GALNT17: variants seen among roughly 807,000 people sequenced by gnomAD.
The protein encoded by GALNT17 is polypeptide N-acetylgalactosaminyltransferase 17.
Under a neutral mutation model 63.7 loss-of-function variants are expected in GALNT17, and 29 were observed. The ratio of observed to expected loss-of-function variants is 0.46; its 90% CI spans 0.34 to 0.62. GALNT17 has a LOEUF of 0.62. GALNT17 is among the 20% of genes least tolerant of loss of function. The pLI, the probability that GALNT17 is intolerant of heterozygous loss-of-function variation, is 0.01. For synonymous variants in GALNT17, 305 were observed against 318.3 expected (o/e 0.96, Z 0.45); for missense variants, 603 against 799.6 (o/e 0.75, Z 2.97).
At chr7:71,528,885 A>G (rs1788669437) in intron 5 of GALNT17, among the ~76,000 whole-genome samples, 1 of 152,222 alleles carries the variant, frequency 6.6e-6, no homozygotes, top group South Asian at 2.1e-4. Flanking sequence ...CTGTAATCCC[A>G]GCACTTCGGG....
At chr7:71,362,470 TA>T (rs1792421340) in intron 2 of GALNT17, among the ~76,000 whole-genome samples, 1 of 152,230 alleles carries the variant, frequency 6.6e-6, no homozygotes, top group African/African-American at 2.4e-5. Flanking sequence ...GCAGTATAAG[TA>T]ATTCTGAAGA....
At chr7:71,444,364 G>A (rs1419212458) in intron 5 of GALNT17, among the ~76,000 whole-genome samples, 1 of 152,160 alleles carries the variant, frequency 6.6e-6, no homozygotes, top group Non-Finnish European at 1.5e-5. Flanking sequence ...ACCAAGCAGA[G>A]GGGCTAATGT....
rs113381427 is a variant in GALNT17 at position 71,691,842 on chromosome 7, C to CT, written c.1500+14543dup. ...ATAAGTGAAAGTCACTTCTGCTCCT[C>CT]TTTTTTTAATCTTTTCTTTCTTTCT... On this transcript the variant is annotated intron_variant, in intron 9 of 10. Transcript: ENST00000333538. 2.6e-5 allele frequency among the ~76,000 whole-genome samples: 4 copies of CT among 151,660 alleles called. No individual in the cohort carries two copies. The East Asian group carries it at 7.8e-4, about 29-fold the overall frequency.
chr7:71,439,528 G>A (rs1184558173), intron 5 of GALNT17, among the ~76,000 whole-genome samples: 2 of 152,192 alleles, frequency 1.3e-5, no homozygotes, highest in African/African-American at 2.4e-5. Flanking sequence ...AAGCAGAGAG[G>A]CCTGCCTCCA....
At chr7:71,560,808 A>G (rs777663210) in intron 5 of GALNT17, among the ~76,000 whole-genome samples, 11 of 152,182 alleles carry the variant, frequency 7.2e-5, no homozygotes, top group Non-Finnish European at 2.9e-5. Flanking sequence ...TGATTGCTCA[A>G]ATTGAGCACA....
intron 3 of GALNT17, among the ~76,000 whole-genome samples, chr7:71,404,493 G>A (rs1793293031): frequency 6.6e-6 from 1 of 152,060 alleles, no homozygotes; most frequent in South Asian, 2.1e-4. Flanking sequence ...CCAGCCCATA[G>A]TCAGCAAGTG....
intron 1 of GALNT17, among the ~76,000 whole-genome samples, chr7:71,148,996 A>G (rs1204094165): frequency 1.3e-5 from 2 of 151,728 alleles, no homozygotes; most frequent in African/African-American, 2.4e-5. Flanking sequence ...CAGTGGCACC[A>G]TCATAGCTCA....
At chr7:71,659,723 C>T (rs1050198154) in intron 6 of GALNT17, among the ~76,000 whole-genome samples, 6 of 152,192 alleles carry the variant, frequency 3.9e-5, no homozygotes, top group African/African-American at 1.4e-4. Context: ...GCAAATAAGT[C>T]ACATTGCCAA....
At chr7:71,276,865 G>T (rs915694427) in intron 1 of GALNT17, among the ~76,000 whole-genome samples, 1 of 152,146 alleles carries the variant, frequency 6.6e-6, no homozygotes, top group Non-Finnish European at 1.5e-5. Context: ...AGGCATCGTG[G>T]TGGGCACCTG....
chr7:71,537,684 G>A (rs143541976), intron 5 of GALNT17, among the ~76,000 whole-genome samples: 201 of 152,138 alleles, frequency 1.3e-3, no homozygotes, highest in African/African-American at 4.6e-3. Flanking sequence ...TTGGTGGCAC[G>A]TGCCTGTAGT....
chr7:71,386,567 A>C (rs531576756), intron 2 of GALNT17, among the ~76,000 whole-genome samples: 12 of 152,182 alleles, frequency 7.9e-5, no homozygotes, highest in South Asian at 4.1e-4. Flanking sequence ...TGAGAGAAGC[A>C]GAGCACGTTC....
At chr7:71,332,551 TTTA>T (rs1791824675) in intron 1 of GALNT17, among the ~76,000 whole-genome samples, 1 of 152,178 alleles carries the variant, frequency 6.6e-6, no homozygotes, top group South Asian at 2.1e-4. Flanking sequence ...TTAAAATCGT[TTTA>T]TTGAGTGTTT....
At position 71,173,774 on chromosome 7, in the gene GALNT17, A is replaced by AAAAT. The variant is rs532181346; in HGVS notation, c.238+40753_238+40756dup. On this transcript the variant is annotated intron_variant, in intron 1 of 10. Transcript: ENST00000333538. ...TGCGATAGGGCGAGACTCTGTCTCA[A>AAAAT]AAATAAATAAATAAATAAATAATAA... 2.3e-4 allele frequency among the ~76,000 whole-genome samples: 33 copies of AAAAT among 146,302 alleles called. No individual in the cohort carries two copies. In the East Asian group the frequency reaches 3.3e-3, roughly 15 times the overall value.
chr7:71,419,922 G>T (rs1163667775), intron 4 of GALNT17, among the ~76,000 whole-genome samples: 2 of 152,214 alleles, frequency 1.3e-5, no homozygotes. Flanking sequence ...AGAAAGATGA[G>T]ATGAGCCAAC....
intron 1 of GALNT17, among the ~76,000 whole-genome samples, chr7:71,135,870 G>C (rs1254747391): frequency 1.3e-5 from 2 of 152,220 alleles, no homozygotes; most frequent in African/African-American, 4.8e-5. Context: ...GACTGGTGGA[G>C]TCAGGTGCTG....
intron 5 of GALNT17, among the ~76,000 whole-genome samples, chr7:71,567,766 T>C (rs1036836694): frequency 3.3e-5 from 5 of 152,122 alleles, no homozygotes; most frequent in African/African-American, 1.2e-4. Context: ...CCCAGCCCCT[T>C]GTAGAGATTT....
intron 1 of GALNT17, among the ~76,000 whole-genome samples, chr7:71,183,717 T>G (rs1421529727): frequency 6.6e-6 from 1 of 151,818 alleles, no homozygotes; most frequent in Non-Finnish European, 1.5e-5. Flanking sequence ...GGCAACATGG[T>G]GAAACCCCCA....
At chr7:71,335,436 A>AT (rs1421127653) in intron 1 of GALNT17, 114 bp from the exon 2 acceptor site, 1 of 1,111,316 alleles carries the variant, frequency 9.0e-7, no homozygotes, top group Non-Finnish European at 1.2e-6. Flanking sequence ...TGAGGACATC[A>AT]TTTTTTCTGT....
chr7:71,152,248 A>G (rs1585841728), intron 1 of GALNT17, among the ~76,000 whole-genome samples: 1 of 152,270 alleles, frequency 6.6e-6, no homozygotes, highest in East Asian at 1.9e-4. Flanking sequence ...GTAGGTGAAC[A>G]CTCGGGAAGA....
Sources: allele counts gnomAD v4.1 joint callset (sites outside exome capture counted in the v4.1 genomes callset), GRCh38; gene constraint gnomAD v4.1.1; transcripts MANE v1.5; gene names NCBI Gene and HGNC (gene_info 2026-07-23, HGNC 2026-07-21).